CEACAM5: variants seen among roughly 807,000 people sequenced by gnomAD.
CEACAM5 encodes the protein CEA cell adhesion molecule 5.
CEACAM5 carries 52 observed loss-of-function variants against 63.0 expected under a neutral mutation model. The observed-to-expected ratio is 0.83, with a 90% confidence interval of 0.66 to 1.04. The LOEUF (loss-of-function observed/expected upper bound fraction) is 1.04. Among genes scored for constraint, CEACAM5 ranks in the 50% least tolerant of loss-of-function variants. The pLI is 0.00. For missense variants in CEACAM5, 790 were observed against 864.8 expected, an observed-to-expected ratio of 0.91 and a Z score of 1.08; for synonymous variants, 357 against 351.3, an observed-to-expected ratio of 1.02 and a Z score of -0.18.
rs199687469 is a variant in CEACAM5, at chr19:41,709,834, G to C, written c.219G>C (p.Val73=). The C allele has an allele frequency of 1.0e-4, 165 of 1,613,948 alleles. No individual in the cohort carries two copies. The highest frequency in any genetic ancestry group is 1.4e-4 in the Non-Finnish European group (161 of 1,180,020). Residue 73 remains valine, a synonymous_variant, in exon 2 of 10, where the codon GTG becomes GTC. Coordinates refer to ENST00000221992, the MANE Select transcript of CEACAM5 (RefSeq NM_004363.6). ...FGYSWYKGER[V]DGNRQIIGYV... ...ACAGCTGGTACAAAGGTGAAAGAGT[G>C]GATGGCAACCGTCAAATTATAGGAT...
chr19:41,728,664 G>A (rs538062677), intron 9 of CEACAM5, among the ~76,000 whole-genome samples: 32 of 152,136 alleles, frequency 2.1e-4, no homozygotes, highest in African/African-American at 7.5e-4. Context: ...GCACGTGCCT[G>A]TAATTCCAGC....
rs781992451 is a variant in CEACAM5 at position 41,708,706 on chromosome 19, G to A, written c.-26G>A. The A allele has an allele frequency of 8.7e-6, 14 of 1,603,704 alleles. No homozygotes were observed. The highest frequency in any genetic ancestry group is 1.2e-5 in the Non-Finnish European group (14 of 1,174,058). On this transcript the variant is annotated 5_prime_UTR_variant, in exon 1 of 10. Coordinates refer to ENST00000221992, the MANE Select transcript of CEACAM5 (RefSeq NM_004363.6). ...TGGAACTCAAGCTCTTCTCCACAGA[G>A]GAGGACAGAGCAGACAGCAGAGACC...
intron 3 of CEACAM5, 41 bp from the exon 4 acceptor site, chr19:41,715,609 C>T: frequency 5.0e-6 from 8 of 1,611,122 alleles, no homozygotes; most frequent in South Asian, 1.1e-5. Context: ...TTCCACTTCC[C>T]TCTGACAATA....
intron 9 of CEACAM5, among the ~76,000 whole-genome samples, chr19:41,728,657 C>T (rs1269700937): frequency 6.6e-6 from 1 of 152,136 alleles, no homozygotes. Flanking sequence ...CATGGTGGCA[C>T]GTGCCTGTAA....
rs187009832 is a variant in CEACAM5, at chr19:41,727,865, A to G, written c.*36+513A>G. On this transcript the variant is annotated intron_variant, in intron 9 of 9. Transcript: ENST00000221992. ...TTACTTCCTTTACCACCACTCCCTT[A>G]TATAATTCCATCATCCTAATAGATC... Among the ~76,000 whole-genome samples the G allele has an allele frequency of 2.6e-5, 4 of 152,234 alleles. No individual in the cohort carries two copies. In the East Asian group the frequency reaches 7.7e-4, roughly 29 times the overall value.
At chr19:41,727,141 T>C in intron 8 of CEACAM5, 93 bp from the exon 9 acceptor site, 1 of 924,636 alleles carries the variant, frequency 1.1e-6, no homozygotes, top group Admixed American at 1.7e-5. Flanking sequence ...AAGTAGAGAC[T>C]GCTTCATGCT....
At chr19:41,727,417 G>A (rs1487606152) in intron 9 of CEACAM5, 65 bp downstream of exon 9, 15 of 842,548 alleles carry the variant, frequency 1.8e-5, no homozygotes, top group Non-Finnish European at 2.7e-5. Context: ...CTTGGGAGAG[G>A]GAAGGGATTT....
chr19:41,726,566 G>C (rs782073466), intron 8 of CEACAM5, among the ~76,000 whole-genome samples: 15 of 152,200 alleles, frequency 9.9e-5, no homozygotes, highest in Non-Finnish European at 2.1e-4. Flanking sequence ...AATTTACCGG[G>C]GGGAACCACC....
At position 41,729,783 on chromosome 19, in the gene CEACAM5, C is replaced by A. The variant is rs770217919; in HGVS notation, c.*636C>A. 6.6e-6 allele frequency: 1 copy of A among 152,152 alleles called. No homozygotes were observed. Among genetic ancestry groups the A allele is most frequent in the Non-Finnish European group, 1.5e-5 (1 of 68,020 alleles). The allele number at this position is 152,152 out of a possible 1,614,324, so 9.4% of individuals were successfully genotyped here. A position where few individuals can be genotyped will look rare whatever the true frequency, so the allele number is the denominator to read the frequency against. On this transcript the variant is annotated 3_prime_UTR_variant, in exon 10 of 10. Transcript: ENST00000221992. ...GCTTACAGCAATTTGATAAAATATA[C>A]TTTTGTGAACAAAAATTGAGACATT...
At chr19:41,721,437 A>T (rs1555816224) in intron 8 of CEACAM5, among the ~76,000 whole-genome samples, 1 of 152,254 alleles carries the variant, frequency 6.6e-6, no homozygotes, top group Non-Finnish European at 1.5e-5. Context: ...CCAATAGTGA[A>T]AGGGACTTCA....
At position 41,727,309 on chromosome 19, in the gene CEACAM5, T is replaced by C; in HGVS notation, c.2102T>C (p.Leu701Pro). ...IMIGVLVGVALI is the reference protein window; with the variant it reads ...IMIGVLVGVAPI ...ATTGGAGTGCTGGTTGGGGTTGCTC[T>C]GATATAGCAGCCCTGGTGTAGTTTC... is the stretch of plus-strand genomic sequence containing the variant. The change falls in exon 9 of 10, where the codon CTG becomes CCG. Residue 701 changes from leucine (L) to proline (P), a missense_variant. Physicochemically the swap from Leu to Pro is moderately conservative, Grantham distance 98. Transcript: ENST00000221992. 1.2e-6 allele frequency: 2 copies of C among 1,612,292 alleles called. No homozygotes were observed. Among genetic ancestry groups the C allele is most frequent in the African/African-American group, 1.3e-5 (1 of 75,016 alleles).
At chr19:41,728,786 C>CAAAAAAAAAAAAAAAAAAAA (rs55647539) in intron 9 of CEACAM5, among the ~76,000 whole-genome samples, 3 of 73,298 alleles carry the variant, frequency 4.1e-5, no homozygotes, top group African/African-American at 1.7e-4. Context: ...GACTCCGTCT[C>CAAAAAAAAAAAAAAAAAAAA]AAAAAAAAAA....
rs979583714 is a variant in CEACAM5, at chr19:41,721,617, T to A, written c.2026+441T>A. Among the ~76,000 whole-genome samples, 5 of 152,262 alleles carry A rather than the reference T, an allele frequency of 3.3e-5. No individual in the cohort carries two copies. In the South Asian group the frequency reaches 1.0e-3, roughly 31 times the overall value. ...CCCCAAATGAGAGGAGGAAGCCCCT[T>A]GGATGAGGCAGGAGCAGCTCAGACT... On this transcript the variant is annotated intron_variant, in intron 8 of 9. Transcript: ENST00000221992.
chr19:41,718,842 C>T (rs1201633522), intron 6 of CEACAM5, among the ~76,000 whole-genome samples: 1 of 152,254 alleles, frequency 6.6e-6, no homozygotes, highest in Non-Finnish European at 1.5e-5. Context: ...AGGAGCAGCT[C>T]AGACTCTGCT....
At chr19:41,719,640 C>A (rs1477188158) in intron 6 of CEACAM5, among the ~76,000 whole-genome samples, 2 of 152,186 alleles carry the variant, frequency 1.3e-5, no homozygotes, top group African/African-American at 2.4e-5. Context: ...AGGGAAGAAC[C>A]AAAGGAGGTG....
At chr19:41,718,096 ATT>A (rs1334573709) in intron 5 of CEACAM5, 30 bp from the exon 6 acceptor site, 2 of 1,611,560 alleles carry the variant, frequency 1.2e-6, no homozygotes, top group African/African-American at 2.7e-5. Flanking sequence ...CTCTGATGAC[ATT>A]CACCTGTGGC....
At chr19:41,709,567 C>T in intron 1 of CEACAM5, 113 bp from the exon 2 acceptor site, 1 of 1,446,698 alleles carries the variant, frequency 6.9e-7, no homozygotes. Context: ...CACACACACA[C>T]TCACTCACTC....
At chr19:41,713,264 C>G (rs967008632) in intron 2 of CEACAM5, among the ~76,000 whole-genome samples, 13 of 151,928 alleles carry the variant, frequency 8.6e-5, no homozygotes, top group African/African-American at 3.1e-4. Flanking sequence ...GAGATCGTGC[C>G]ACTGCACTCC....
intron 2 of CEACAM5, among the ~76,000 whole-genome samples, chr19:41,710,349 G>GGA (rs2072417222): frequency 6.6e-6 from 1 of 152,168 alleles, no homozygotes; most frequent in African/African-American, 2.4e-5. Flanking sequence ...GAAAGACCCT[G>GGA]GAGAACTGCA....
Sources: allele counts gnomAD v4.1 joint callset (sites outside exome capture counted in the v4.1 genomes callset), GRCh38; gene constraint gnomAD v4.1.1; transcripts MANE v1.5; gene names NCBI Gene and HGNC (gene_info 2026-07-23, HGNC 2026-07-21).